STXBP5L: variants seen among roughly 807,000 people sequenced by gnomAD.
STXBP5L encodes syntaxin binding protein 5L.
In STXBP5L, 65 loss-of-function variants were observed where a neutral mutation model predicts 144.5. The observed-to-expected ratio is 0.45, with a 90% confidence interval of 0.37 to 0.55. STXBP5L has a LOEUF of 0.55. Ranked by LOEUF, STXBP5L falls within the 20% of genes least tolerant of loss-of-function variation. The pLI is 0.00. For missense variants in STXBP5L, 1,298 were observed against 1,405.5 expected (o/e 0.92, Z 1.22); for synonymous variants, 505 against 469.6 (o/e 1.08, Z -0.97).
At chr3:121,388,296 G>C (rs894392957) in intron 22 of STXBP5L, among the ~76,000 whole-genome samples, 8 of 152,128 alleles carry the variant, frequency 5.3e-5, no homozygotes, top group African/African-American at 9.7e-5. Flanking sequence ...GGAGATTTTG[G>C]GCTGAGACGA....
chr3:121,120,197 C>A (rs1297868821), intron 6 of STXBP5L, among the ~76,000 whole-genome samples: 2 of 151,234 alleles, frequency 1.3e-5, no homozygotes, highest in Non-Finnish European at 3.0e-5. Context: ...AGTGTTAGTG[C>A]AATCAAACCA....
intron 3 of STXBP5L, among the ~76,000 whole-genome samples, chr3:120,977,698 A>T (rs545344360): frequency 2.4e-4 from 37 of 151,942 alleles, no homozygotes; most frequent in African/African-American, 8.9e-4. Context: ...GTTTCTTTCC[A>T]TGTTTAGTGC....
intron 11 of STXBP5L, among the ~76,000 whole-genome samples, 186 bp downstream of exon 11, chr3:121,223,343 A>C (rs2049029441): frequency 6.6e-6 from 1 of 152,174 alleles, no homozygotes; most frequent in African/African-American, 2.4e-5. Flanking sequence ...GTAGTACAGC[A>C]ATGCTGGCAT....
chr3:121,012,253 A>G (rs1170574504), intron 3 of STXBP5L, among the ~76,000 whole-genome samples: 3 of 151,972 alleles, frequency 2.0e-5, no homozygotes, highest in South Asian at 2.1e-4. Flanking sequence ...CTTGGTTATT[A>G]TAAATCATGC....
At chr3:121,079,342 T>C (rs190308234) in intron 5 of STXBP5L, among the ~76,000 whole-genome samples, 22 of 152,344 alleles carry the variant, frequency 1.4e-4, no homozygotes, top group Admixed American at 1.4e-3. Flanking sequence ...CCTAAACTTA[T>C]TGGTCTTGTG....
intron 7 of STXBP5L, among the ~76,000 whole-genome samples, chr3:121,147,596 G>T (rs1162874433): frequency 6.6e-6 from 1 of 152,110 alleles, no homozygotes; most frequent in Non-Finnish European, 1.5e-5. Flanking sequence ...GTAGTAGAAA[G>T]ATAACAATAA....
intron 17 of STXBP5L, among the ~76,000 whole-genome samples, chr3:121,258,017 C>T (rs2050263156): frequency 1.3e-5 from 2 of 152,152 alleles, no homozygotes; most frequent in Non-Finnish European, 2.9e-5. Context: ...TTACTATCTA[C>T]TACAAGAGTT....
intron 20 of STXBP5L, among the ~76,000 whole-genome samples, chr3:121,350,470 G>A (rs749679624): frequency 6.6e-5 from 10 of 152,030 alleles, no homozygotes; most frequent in Non-Finnish European, 1.5e-4. Flanking sequence ...TATCTTTGTG[G>A]TGTTCTCTGT....
intron 2 of STXBP5L, chr3:120,924,521 A>G (rs1709510303): frequency 6.6e-6 from 1 of 152,440 alleles, no homozygotes; most frequent in South Asian, 2.1e-4. Context: ...CTGGTCTCAG[A>G]GAAAAATGTC....
At chr3:121,117,231 CA>C (rs1559766030) in intron 6 of STXBP5L, among the ~76,000 whole-genome samples, 1 of 151,392 alleles carries the variant, frequency 6.6e-6, no homozygotes, top group Non-Finnish European at 1.5e-5. Flanking sequence ...ATAATATACA[CA>C]TGATTCAGCA....
intron 9 of STXBP5L, among the ~76,000 whole-genome samples, chr3:121,196,517 C>A (rs894126096): frequency 2.0e-5 from 3 of 151,884 alleles, no homozygotes; most frequent in Non-Finnish European, 4.4e-5. Context: ...AGATTATTTG[C>A]TTTTGTATAT....
intron 9 of STXBP5L, among the ~76,000 whole-genome samples, chr3:121,192,292 C>T (rs924073001): frequency 2.0e-5 from 3 of 152,064 alleles, no homozygotes; most frequent in Admixed American, 2.0e-4. Context: ...TCAAGGAGAA[C>T]TACAAACCAC....
rs560190858 is a variant in STXBP5L, at chr3:121,165,566, C to T, written c.877+7939C>T. On this transcript the variant is annotated intron_variant, in intron 9 of 26. Transcript: ENST00000471454. ...TATCCTGCTTTTGTTGTAGGAAAAA[C>T]TGGTTCTTATAACACGACCATGAAA... Among the ~76,000 whole-genome samples, 6 of 152,214 alleles carry T rather than the reference C, an allele frequency of 3.9e-5. No homozygotes were observed. The South Asian group carries it at 1.0e-3, about 26-fold the overall frequency.
At chr3:121,264,081 A>G (rs1345589948) in intron 18 of STXBP5L, among the ~76,000 whole-genome samples, 1 of 152,220 alleles carries the variant, frequency 6.6e-6, no homozygotes, top group Non-Finnish European at 1.5e-5. Context: ...GTTACCCACA[A>G]GGGAAAGCCC....
chr3:120,977,537 C>G (rs545304141), intron 3 of STXBP5L, among the ~76,000 whole-genome samples: 2 of 152,118 alleles, frequency 1.3e-5, no homozygotes, highest in African/African-American at 2.4e-5. Flanking sequence ...GCATTTAGTC[C>G]TTTTACATTG....
At position 121,209,556 on chromosome 3, in the gene STXBP5L, A is replaced by G. The variant is rs183646347; in HGVS notation, c.956+3555A>G. Among the ~76,000 whole-genome samples the G allele has an allele frequency of 8.6e-3, 1,304 of 152,150 alleles. 90 individuals carry two copies. The East Asian group carries it at 0.19, about 22-fold the overall frequency. ...CATTAACTCATCATTTACATTAGGT[A>G]TATCTCCTAATGCTATCCATCCCCT... is the stretch of plus-strand genomic sequence containing the variant. On this transcript the variant is annotated intron_variant, in intron 10 of 26. Coordinates refer to ENST00000471454, the MANE Select transcript of STXBP5L (RefSeq NM_001308330.2).
intron 9 of STXBP5L, among the ~76,000 whole-genome samples, chr3:121,197,211 T>A (rs1420522944): frequency 6.6e-6 from 1 of 152,186 alleles, no homozygotes; most frequent in Admixed American, 6.5e-5. Context: ...TGTCCTTTTT[T>A]ATGGTTTGCT....
rs994653379 is a variant in STXBP5L at position 121,294,136 on chromosome 3, A to T, written c.2110+14180A>T. 2.6e-5 allele frequency among the ~76,000 whole-genome samples: 4 copies of T among 152,362 alleles called. No individual in the cohort carries two copies. The South Asian group carries it at 8.3e-4, about 32-fold the overall frequency. On this transcript the variant is annotated intron_variant, in intron 19 of 26. Transcript: ENST00000471454. ...TGTGTGAAGAAAATATTGTGGAGCC[A>T]AAAAGGAAAGCAAGCTGGTGTACCC...
At chr3:121,231,737 A>T (rs1473599493) in intron 11 of STXBP5L, among the ~76,000 whole-genome samples, 4 of 152,222 alleles carry the variant, frequency 2.6e-5, no homozygotes, top group Admixed American at 2.6e-4. Context: ...GTCTCCTAGG[A>T]GTACCTAAAA....
Sources: allele counts gnomAD v4.1 joint callset (sites outside exome capture counted in the v4.1 genomes callset), GRCh38; gene constraint gnomAD v4.1.1; transcripts MANE v1.5; gene names NCBI Gene and HGNC (gene_info 2026-07-23, HGNC 2026-07-21).